Variants in FUCA1 observed in about 807,000 individuals in gnomAD.
FUCA1 encodes the protein tissue alpha-L-fucosidase.
Under a neutral mutation model 56.8 loss-of-function variants are expected in FUCA1, and 52 were observed. That is an observed-to-expected ratio of 0.92 (90% CI 0.73 to 1.15). FUCA1 has a LOEUF of 1.15. Among genes scored for constraint, FUCA1 ranks in the 50% most tolerant of loss-of-function variants. FUCA1 has a pLI of 0.00. For synonymous variants in FUCA1, 230 were observed against 226.6 expected, an observed-to-expected ratio of 1.02 and a Z score of -0.14; for missense variants, 568 against 592.6, an observed-to-expected ratio of 0.96 and a Z score of 0.43.
chr1:23,847,008 CT>C (rs1213718157), intron 6 of FUCA1, among the ~76,000 whole-genome samples: 3 of 152,160 alleles, frequency 2.0e-5, no homozygotes, highest in Non-Finnish European at 4.4e-5. Context: ...GCATGAAGCA[CT>C]GCACAAGGCC....
At chr1:23,858,182 A>C (rs953394457) in intron 4 of FUCA1, among the ~76,000 whole-genome samples, 1 of 151,996 alleles carries the variant, frequency 6.6e-6, no homozygotes, top group East Asian at 1.9e-4. Context: ...CTCCTGCCTC[A>C]GCCTCCTGAG....
At position 23,857,656 on chromosome 1, in the gene FUCA1, C is replaced by A. The variant is rs150645501; in HGVS notation, c.768+2142G>T. ...GGATTAGAGGTGCCCACCACCACGCCCGACTAATTTTTGTATTTTCTTTTT... is the reference window on the plus strand; with the variant it reads ...GGATTAGAGGTGCCCACCACCACGCACGACTAATTTTTGTATTTTCTTTTT... On this transcript the variant is annotated intron_variant, in intron 4 of 7. Transcript: ENST00000374479. Among the ~76,000 whole-genome samples the A allele has an allele frequency of 9.9e-5, 15 of 151,572 alleles. 1 individual carries two copies. The East Asian group carries it at 2.9e-3, about 29-fold the overall frequency.
At chr1:23,858,808 C>T (rs1437533060) in intron 4 of FUCA1, among the ~76,000 whole-genome samples, 4 of 152,118 alleles carry the variant, frequency 2.6e-5, no homozygotes, top group East Asian at 3.8e-4. Flanking sequence ...AGTACAATGG[C>T]GTGATCTAGG....
chr1:23,851,403 T>C (rs1019326287), intron 5 of FUCA1, among the ~76,000 whole-genome samples: 1 of 151,816 alleles, frequency 6.6e-6, no homozygotes, highest in African/African-American at 2.4e-5. Context: ...CATACATACA[T>C]ACATACATAC....
chr1:23,845,250 C>T lies in FUCA1; in HGVS notation c.*465G>A, dbSNP rs1282818518. The T allele has an allele frequency of 4.5e-6, 1 of 222,648 alleles. No homozygotes were observed. The highest frequency in any genetic ancestry group is 9.0e-6 in the Non-Finnish European group (1 of 111,082). The allele number at this position is 222,648 out of a possible 1,614,324, so 13.8% of individuals were successfully genotyped here. A position where few individuals can be genotyped will look rare whatever the true frequency, so the allele number is the denominator to read the frequency against. ...AGTTGACCATAGCAGCCTGGTAAGC[C>T]TTTTCCTTTCCCCCAAAGCTCTCCT... On this transcript the variant is annotated 3_prime_UTR_variant, in exon 8 of 8. Transcript: ENST00000374479.
chr1:23,851,315 G>C (rs1219811539), intron 5 of FUCA1, among the ~76,000 whole-genome samples: 3 of 152,028 alleles, frequency 2.0e-5, no homozygotes, highest in Non-Finnish European at 4.4e-5. Flanking sequence ...AGCAGACCGA[G>C]ATCGCACCAC....
chr1:23,845,877 G>T, intron 7 of FUCA1, 22 bp from the exon 8 acceptor site: 10 of 1,613,934 alleles, frequency 6.2e-6, no homozygotes, highest in Non-Finnish European at 8.5e-6. Flanking sequence ...AAAAGGGAAT[G>T]AAACAAACTG....
At chr1:23,858,192 G>A (rs972203195) in intron 4 of FUCA1, among the ~76,000 whole-genome samples, 1 of 152,068 alleles carries the variant, frequency 6.6e-6, no homozygotes, top group Non-Finnish European at 1.5e-5. Flanking sequence ...AGCCTCCTGA[G>A]CAGCTGGGAC....
At chr1:23,855,933 A>T (rs1639380230) in intron 4 of FUCA1, among the ~76,000 whole-genome samples, 1 of 152,190 alleles carries the variant, frequency 6.6e-6, no homozygotes, top group African/African-American at 2.4e-5. Flanking sequence ...AATAAAACAG[A>T]GGTCTTGCCC....
At position 23,863,198 on chromosome 1, in the gene FUCA1, C is replaced by T. The variant is rs1170852060; in HGVS notation, c.598G>A (p.Gly200Ser). The T allele has an allele frequency of 6.2e-7, 1 of 1,613,900 alleles. No homozygotes were observed. Among genetic ancestry groups the T allele is most frequent in the South Asian group, 1.1e-5 (1 of 91,076 alleles). The change falls in exon 3 of 8, where the codon GGC becomes AGC. Residue 200 changes from glycine (G) to serine (S), a missense_variant. Coordinates refer to ENST00000374479, the MANE Select transcript of FUCA1 (RefSeq NM_000147.5). ...HPLYLLDKKN[G>S]FKTQHFVSAK... ...CTGACAAAATGCTGTGTTTTGAAGC[C>T]ATTTTTCTTATCAAGTAGATAGAGT...
Position 23,845,744 on chromosome 1 carries a change from A to G in FUCA1, c.1372T>C (p.Trp458Arg). The G allele has an allele frequency of 6.2e-7, 1 of 1,614,248 alleles. No individual in the cohort carries two copies. Among genetic ancestry groups the G allele is most frequent in the South Asian group, 1.1e-5 (1 of 91,092 alleles). Residue 458 changes from tryptophan (W) to arginine (R), a missense_variant, in exon 8 of 8, where the codon TGG becomes CGG. Transcript: ENST00000374479. ...TTCACTCCTGTCAGCTTTATAGTCC[A>G]AGCAAACTCTGCGGGGACAGCAGAG... ...PPSAVPAEFA[W>R]TIKLTGVK
intron 3 of FUCA1, among the ~76,000 whole-genome samples, chr1:23,862,478 T>G (rs1256562011): frequency 1.3e-5 from 2 of 152,190 alleles, no homozygotes; most frequent in Non-Finnish European, 2.9e-5. Context: ...AAGGTGATTT[T>G]CCTTTGCTCT....
At chr1:23,854,604 T>C in intron 4 of FUCA1, 44 bp from the exon 5 acceptor site, 1 of 1,460,614 alleles carries the variant, frequency 6.8e-7, no homozygotes, top group East Asian at 2.3e-5. Context: ...TAAAACCACT[T>C]GACTTCTTTA....
intron 5 of FUCA1, among the ~76,000 whole-genome samples, chr1:23,850,925 G>A (rs1182051755): frequency 6.6e-6 from 1 of 151,896 alleles, no homozygotes; most frequent in Non-Finnish European, 1.5e-5. Flanking sequence ...ACCATGCCCA[G>A]CCAATATGTA....
In FUCA1 at chr1:23,867,740, G is replaced by A. The variant is rs1570692035; in HGVS notation, c.389+158C>T. 1 of 985,240 alleles carries A rather than the reference G, an allele frequency of 1.0e-6. No individual in the cohort carries two copies. Among genetic ancestry groups the A allele is most frequent in the Admixed American group, 6.2e-5 (1 of 16,252 alleles). 61.0% of individuals were successfully genotyped at this position (985,240 alleles called of 1,614,324 possible). A position where few individuals can be genotyped will look rare whatever the true frequency, so the allele number is the denominator to read the frequency against. ...CAAACGCACCTCCTCCTCCTCATCA[G>A]GTGTGCCAGGCTCACTCCTGTGGCC... On this transcript the variant is annotated intron_variant, in intron 1 of 7. Transcript: ENST00000374479. The surrounding 1 kb of genome is among the most constrained non-coding windows in gnomAD (Gnocchi z 4.9).
At chr1:23,866,297 G>A (rs938379974) in intron 1 of FUCA1, among the ~76,000 whole-genome samples, 6 of 152,218 alleles carry the variant, frequency 3.9e-5, no homozygotes, top group Non-Finnish European at 5.9e-5. Flanking sequence ...GGGCTACAGA[G>A]CAAAACTGTT....
chr1:23,856,250 A>C lies in FUCA1; in HGVS notation c.769-1690T>G, dbSNP rs1330994470. Among the ~76,000 whole-genome samples, 4 of 152,178 alleles carry C rather than the reference A, an allele frequency of 2.6e-5. 1 individual carries two copies. Among genetic ancestry groups the C allele is most frequent in the Admixed American group, 2.6e-4 (4 of 15,276 alleles). ...TGTGCCCAGACTCTGGCTCAGAGTG[A>C]ATAAAGGTGTCTCCTTGCCACACCT... is the stretch of plus-strand genomic sequence containing the variant. On this transcript the variant is annotated intron_variant, in intron 4 of 7. Coordinates refer to ENST00000374479, the MANE Select transcript of FUCA1 (RefSeq NM_000147.5).
chr1:23,853,722 A>T (rs370343690), intron 5 of FUCA1, among the ~76,000 whole-genome samples: 1 of 151,134 alleles, frequency 6.6e-6, no homozygotes, highest in Non-Finnish European at 1.5e-5. Context: ...TGTACTAAGA[A>T]AAATTCTTCT....
chr1:23,856,696 G>A (rs1639397492), intron 4 of FUCA1, among the ~76,000 whole-genome samples: 1 of 152,142 alleles, frequency 6.6e-6, no homozygotes, highest in Non-Finnish European at 1.5e-5. Context: ...AGGAATTATT[G>A]TTTAAGAGAG....
Sources: allele counts gnomAD v4.1 joint callset (sites outside exome capture counted in the v4.1 genomes callset), GRCh38; gene constraint gnomAD v4.1.1; non-coding constraint Gnocchi (gnomAD v3.1); transcripts MANE v1.5; gene names NCBI Gene and HGNC (gene_info 2026-07-23, HGNC 2026-07-21).